GRK4: variants seen among roughly 807,000 people sequenced by gnomAD.
GRK4 encodes the protein G protein-coupled receptor kinase 4.
A neutral mutation model predicts 77.9 loss-of-function variants in GRK4; 73 were observed. That is an observed-to-expected ratio of 0.94 (90% confidence interval 0.78 to 1.14). The LOEUF (loss-of-function observed/expected upper bound fraction) is 1.14. GRK4 is among the 50% of genes most tolerant of loss of function. GRK4 has a pLI of 0.00. For missense variants in GRK4, 729 were observed against 700.2 expected, an observed-to-expected ratio of 1.04 and a Z score of -0.46; for synonymous variants, 257 against 254.4, an observed-to-expected ratio of 1.01 and a Z score of -0.10.
At chr4:2,995,287 C>A (rs936650839) in intron 4 of GRK4, among the ~76,000 whole-genome samples, 1 of 152,018 alleles carries the variant, frequency 6.6e-6, no homozygotes, top group Admixed American at 6.6e-5. Flanking sequence ...AAAGAAATTT[C>A]TTGGCTCACA....
chr4:3,016,052 G>A (rs1734393615), intron 8 of GRK4, among the ~76,000 whole-genome samples: 1 of 151,172 alleles, frequency 6.6e-6, no homozygotes. Flanking sequence ...GGTTTTACAG[G>A]TGCCCACCAC....
intron 11 of GRK4, among the ~76,000 whole-genome samples, chr4:3,028,589 C>G (rs914477340): frequency 4.6e-5 from 7 of 152,184 alleles, no homozygotes; most frequent in Admixed American, 4.6e-4. Flanking sequence ...ACCACCATTT[C>G]CCTTGTGAAT....
At chr4:2,977,991 G>A (rs1721715716) in intron 1 of GRK4, among the ~76,000 whole-genome samples, 1 of 152,192 alleles carries the variant, frequency 6.6e-6, no homozygotes, top group South Asian at 2.1e-4. Flanking sequence ...ATGGGCTTAT[G>A]AAGTTCATTT....
chr4:3,022,623 G>A (rs1736406637), intron 10 of GRK4, among the ~76,000 whole-genome samples, 172 bp downstream of exon 10: 1 of 152,140 alleles, frequency 6.6e-6, no homozygotes, highest in Non-Finnish European at 1.5e-5. Context: ...CTGACAATTT[G>A]GTCATTCCCC....
At chr4:3,034,757 T>C (rs1740114607) in intron 12 of GRK4, among the ~76,000 whole-genome samples, 1 of 152,196 alleles carries the variant, frequency 6.6e-6, no homozygotes, top group African/African-American at 2.4e-5. Flanking sequence ...CTTAGTGGTA[T>C]TTCTGAAATT....
At chr4:2,966,913 G>T (rs770289931) in intron 1 of GRK4, 6 of 152,140 alleles carry the variant, frequency 3.9e-5, no homozygotes, top group Admixed American at 3.3e-4. Context: ...TCTGGTCCCT[G>T]CTATGGTCTG....
intron 4 of GRK4, among the ~76,000 whole-genome samples, chr4:2,993,399 T>C (rs1196274055): frequency 6.6e-6 from 1 of 151,958 alleles, no homozygotes; most frequent in Non-Finnish European, 1.5e-5. Context: ...CTAGGCCAGG[T>C]GTGGTGGCTC....
chr4:2,963,821 C>A lies in GRK4; in HGVS notation c.-250C>A, dbSNP rs1716456313. The A allele has an allele frequency of 1.6e-5, 9 of 550,048 alleles. No individual in the cohort carries two copies. The highest frequency in any genetic ancestry group is 4.1e-5 in the African/African-American group (2 of 49,096). 34.1% of individuals were successfully genotyped at this position (550,048 alleles called of 1,614,324 possible). A position where few individuals can be genotyped will look rare whatever the true frequency, so the allele number is the denominator to read the frequency against. On this transcript the variant is annotated 5_prime_UTR_variant, in exon 1 of 16. Transcript: ENST00000398052. ...GCGCGGCAGCGGTGACAGCTGGGAC[C>A]CGCCGCGGTCGGGCTGCCCCCTCCC...
chr4:2,964,274 C>A, intron 1 of GRK4, 152 bp downstream of exon 1: 1 of 721,708 alleles, frequency 1.4e-6, no homozygotes, highest in Non-Finnish European at 2.3e-6. Context: ...CAGATCTGCA[C>A]GGAGCCGGAG....
intron 4 of GRK4, among the ~76,000 whole-genome samples, chr4:2,998,935 G>T (rs1412717650): frequency 6.6e-6 from 1 of 152,086 alleles, no homozygotes; most frequent in Non-Finnish European, 1.5e-5. Flanking sequence ...AATGTAGTTG[G>T]AGGACTCGCA....
At chr4:2,972,025 A>G (rs188624022) in intron 1 of GRK4, among the ~76,000 whole-genome samples, 15 of 152,316 alleles carry the variant, frequency 9.8e-5, no homozygotes, top group Admixed American at 7.2e-4. Flanking sequence ...TAACTGGGGA[A>G]TAGAACTCTA....
In GRK4 at chr4:3,009,719, A is replaced by G. The variant is rs776982269; in HGVS notation, c.600+8A>G. On this transcript the variant is annotated splice_region_variant and intron_variant, in intron 7 of 15. Transcript: ENST00000398052. ...AAAGGCGGATTTGGAGAGGTGAGTAACGGGAGCCAGTTCATAGCAGCGCTG... is the reference window on the plus strand; with the variant it reads ...AAAGGCGGATTTGGAGAGGTGAGTAGCGGGAGCCAGTTCATAGCAGCGCTG... 1.1e-5 allele frequency: 18 copies of G among 1,611,390 alleles called. No homozygotes were observed. The highest frequency in any genetic ancestry group is 1.5e-5 in the Non-Finnish European group (18 of 1,177,526).
intron 3 of GRK4, among the ~76,000 whole-genome samples, chr4:2,990,685 A>G (rs1725895752): frequency 6.6e-6 from 1 of 152,200 alleles, no homozygotes; most frequent in African/African-American, 2.4e-5. Flanking sequence ...TTAAGAATTT[A>G]GGGACCTACT....
intron 12 of GRK4, among the ~76,000 whole-genome samples, chr4:3,032,023 C>T (rs981916836): frequency 4.6e-5 from 7 of 152,098 alleles, no homozygotes; most frequent in African/African-American, 9.7e-5. Flanking sequence ...GGAGTTCTCC[C>T]GGCTACCTCA....
At chr4:3,030,535 T>TGCCA (rs1397571753) in intron 12 of GRK4, among the ~76,000 whole-genome samples, 1 of 152,138 alleles carries the variant, frequency 6.6e-6, no homozygotes, top group Non-Finnish European at 1.5e-5. Flanking sequence ...GTCCCCGCCC[T>TGCCA]GCCAGCGAGA....
At chr4:2,991,294 A>G (rs965934203) in intron 3 of GRK4, among the ~76,000 whole-genome samples, 3 of 152,206 alleles carry the variant, frequency 2.0e-5, no homozygotes, top group African/African-American at 7.2e-5. Flanking sequence ...AGCCACCTAG[A>G]TTATCTAGCA....
intron 11 of GRK4, among the ~76,000 whole-genome samples, 177 bp from the exon 12 acceptor site, chr4:3,029,024 C>T (rs1215450804): frequency 1.3e-5 from 2 of 152,148 alleles, no homozygotes; most frequent in African/African-American, 2.4e-5. Flanking sequence ...TGCCTGCCTT[C>T]GCCTCCCAAA....
intron 12 of GRK4, among the ~76,000 whole-genome samples, chr4:3,031,120 G>A (rs539257419): frequency 2.0e-5 from 3 of 152,144 alleles, no homozygotes; most frequent in Non-Finnish European, 4.4e-5. Flanking sequence ...GGGGGCACTC[G>A]CTGGAGCCAA....
At chr4:3,014,109 A>G (rs953021148) in intron 8 of GRK4, among the ~76,000 whole-genome samples, 1 of 151,500 alleles carries the variant, frequency 6.6e-6, no homozygotes, top group Non-Finnish European at 1.5e-5. Flanking sequence ...CACTCTTCAC[A>G]CCTGCCAGCT....
Sources: allele counts gnomAD v4.1 joint callset (sites outside exome capture counted in the v4.1 genomes callset), GRCh38; gene constraint gnomAD v4.1.1; transcripts MANE v1.5; gene names NCBI Gene and HGNC (gene_info 2026-07-23, HGNC 2026-07-21).